CACNA1H: variants seen among roughly 807,000 people sequenced by gnomAD.
CACNA1H encodes the protein calcium voltage-gated channel subunit alpha1 H.
CACNA1H carries 149 observed loss-of-function variants against 192.5 expected under a neutral mutation model. The ratio of observed to expected loss-of-function variants is 0.77; its 90% CI spans 0.68 to 0.89. The LOEUF is 0.89. Ranked by LOEUF, CACNA1H falls within the 40% of genes least tolerant of loss-of-function variation. The probability of loss-of-function intolerance (pLI) is 0.00; values close to 1 mark genes in which losing one functional copy is unlikely to be tolerated. For missense variants in CACNA1H, 4,257 were observed against 3,423.5 expected (o/e 1.24, Z -6.08); for synonymous variants, 2,202 against 1,475.2 (o/e 1.49, Z -11.29).
In CACNA1H at chr16:1,218,600, C is replaced by A; in HGVS notation, c.5836C>A (p.Arg1946Ser). 1 of 1,565,240 alleles carries A rather than the reference C, an allele frequency of 6.4e-7. No homozygotes were observed. The highest frequency in any genetic ancestry group is 2.4e-5 in the East Asian group (1 of 42,326). The change falls in exon 33 of 35, where the codon CGC (arginine) becomes AGC (serine). Residue 1946 changes from arginine to serine, a missense_variant. By Grantham distance (110) the Arg-to-Ser change is moderately radical. Transcript: ENST00000348261. ...PVVPASAPHP[R>S]PLQEVEMETY... ...GGTGCCTGCCTCGGCGCCCCACCCC[C>A]GCCCGCTGCAGGAGGTGGAGATGGA... is the stretch of plus-strand genomic sequence containing the variant.
rs1434513593 is a variant in CACNA1H, at chr16:1,154,049, GC to G, written c.299+15del. The stretch of plus-strand genomic sequence containing the variant: ...TGGTCTGCAACCCATATCCTTCCCG[GC>G]CGGCGGGGGGCGGGGGGCGGGGGGC... On this transcript the variant is annotated intron_variant, in intron 2 of 34. Transcript: ENST00000348261. 9.4e-7 allele frequency: 1 copy of G among 1,058,356 alleles called. No homozygotes were observed. The highest frequency in any genetic ancestry group is 1.2e-6 in the Non-Finnish European group (1 of 841,814). The allele number at this position is 1,058,356 out of a possible 1,614,324, so 65.6% of individuals were successfully genotyped here.
chr16:1,204,604 G>A (rs1369740334), intron 10 of CACNA1H, 146 bp downstream of exon 10: 4 of 645,476 alleles, frequency 6.2e-6, no homozygotes, highest in Non-Finnish European at 1.0e-5. Flanking sequence ...GGTGAGGATA[G>A]GAGACCAGGT....
At chr16:1,154,957 G>T (rs1397306009) in intron 2 of CACNA1H, among the ~76,000 whole-genome samples, 1 of 152,180 alleles carries the variant, frequency 6.6e-6, no homozygotes, top group African/African-American at 2.4e-5. Flanking sequence ...GGCAGCTGGG[G>T]TGGCCAGGCC....
At chr16:1,168,910 G>A (rs1041374025) in intron 2 of CACNA1H, among the ~76,000 whole-genome samples, 1 of 152,100 alleles carries the variant, frequency 6.6e-6, no homozygotes, top group Admixed American at 6.5e-5. Context: ...GAAGTACCCT[G>A]GCCTGTGAGC....
intron 1 of CACNA1H, 81 bp from the exon 2 acceptor site, chr16:1,153,639 G>A: frequency 1.1e-6 from 1 of 909,896 alleles, no homozygotes; most frequent in Non-Finnish European, 1.4e-6. Context: ...CGGCGGCCGC[G>A]GCTGTTCCCG....
At position 1,204,303 on chromosome 16, in the gene CACNA1H, A is replaced by T. The variant is rs573493037; in HGVS notation, c.2296A>T (p.Arg766Trp). The T allele has an allele frequency of 3.1e-5, 50 of 1,602,050 alleles. No homozygotes were observed. In the East Asian group the frequency reaches 8.1e-4, roughly 26 times the overall value. ...PGSPQRRAQQ[R>W]AAPGEPGWMG... ...CAGCCCCCAGCGGCGGGCACAGCAG[A>T]GGGCAGCCCCGGGCGAGCCAGGCTG... is the stretch of plus-strand genomic sequence containing the variant. The change falls in exon 10 of 35, where the codon AGG becomes TGG. Residue 766 changes from arginine (R) to tryptophan (W), a missense_variant. Coordinates refer to ENST00000348261, the MANE Select transcript of CACNA1H (RefSeq NM_021098.3).
chr16:1,183,786 C>T (rs1236546312), intron 2 of CACNA1H, among the ~76,000 whole-genome samples: 1 of 152,268 alleles, frequency 6.6e-6, no homozygotes, highest in Non-Finnish European at 1.5e-5. Flanking sequence ...GAGCACGTGA[C>T]CTGGCGTGTT....
intron 2 of CACNA1H, among the ~76,000 whole-genome samples, chr16:1,171,303 G>A (rs896872562): frequency 6.6e-6 from 1 of 152,148 alleles, no homozygotes; most frequent in South Asian, 2.1e-4. Flanking sequence ...GGGGATCGTG[G>A]GGCTTTGGGG....
intron 18 of CACNA1H, 86 bp from the exon 19 acceptor site, chr16:1,210,284 G>T (rs1429374674): frequency 2.3e-6 from 3 of 1,293,250 alleles, no homozygotes; most frequent in Admixed American, 2.0e-5. Flanking sequence ...TGAAGTGGAG[G>T]CGTGGCCAGG....
At chr16:1,165,169 A>C (rs1403446751) in intron 2 of CACNA1H, among the ~76,000 whole-genome samples, 2 of 152,038 alleles carry the variant, frequency 1.3e-5, no homozygotes, top group Non-Finnish European at 2.9e-5. Flanking sequence ...CCAGCTGACC[A>C]CCGTGGCGCG....
rs776172409 is a variant in CACNA1H, at chr16:1,218,031, G to T, written c.5436G>T (p.Gly1812=). 12 of 1,598,524 alleles carry T rather than the reference G, an allele frequency of 7.5e-6. No individual in the cohort carries two copies. Among genetic ancestry groups the T allele is most frequent in the Middle Eastern group, 1.7e-4 (1 of 6,058 alleles). The change falls in exon 32 of 35, where the codon GGG becomes GGT. Residue 1812 remains glycine, a synonymous_variant. Coordinates refer to ENST00000348261, the MANE Select transcript of CACNA1H (RefSeq NM_021098.3). ...TGTCCACGGGGGACAACTGGAACGGGATCATGAAGGTACCCGCCGCGGCCA... is the reference window on the plus strand; with the variant it reads ...TGTCCACGGGGGACAACTGGAACGGTATCATGAAGGTACCCGCCGCGGCCA... The part of the protein sequence containing the change: ...FRVSTGDNWN[G]IMKDTLRECS...
In CACNA1H at chr16:1,210,389, A is replaced by G. The variant is rs752417842; in HGVS notation, c.3865A>G (p.Lys1289Glu). ...ACCCAGGTTCCGCGTCTCCTGCCAG[A>G]AGGTCATCACACACAAGATGTTTGA... is the stretch of plus-strand genomic sequence containing the variant. Reference protein sequence around the residue: ...PQNRFRVSCQKVITHKMFDHV... With the variant: ...PQNRFRVSCQEVITHKMFDHV... The change falls in exon 19 of 35, where the codon AAG (lysine) becomes GAG (glutamate). Residue 1289 changes from lysine to glutamate, a missense_variant. Physicochemically the swap from Lys to Glu is moderately conservative, Grantham distance 56. Coordinates refer to ENST00000348261, the MANE Select transcript of CACNA1H (RefSeq NM_021098.3). 2 of 1,335,248 alleles carry G rather than the reference A, an allele frequency of 1.5e-6. No homozygotes were observed. The highest frequency in any genetic ancestry group is 2.0e-6 in the Non-Finnish European group (2 of 1,007,236). The allele number at this position is 1,335,248 out of a possible 1,614,324, so 82.7% of individuals were successfully genotyped here. A position where few individuals can be genotyped will look rare whatever the true frequency, so the allele number is the denominator to read the frequency against.
Position 1,221,630 on chromosome 16 carries a change from C to T in CACNA1H, c.*636C>T, listed in dbSNP as rs899560810. ...CTCCCCTACATCTGGGGGCGTTGGC[C>T]GCGAGATTCCCATTGACACCTTTGT... On this transcript the variant is annotated 3_prime_UTR_variant, in exon 35 of 35. Coordinates refer to ENST00000348261, the MANE Select transcript of CACNA1H (RefSeq NM_021098.3). 8 of 826,154 alleles carry T rather than the reference C, an allele frequency of 9.7e-6. No individual in the cohort carries two copies. Among genetic ancestry groups the T allele is most frequent in the African/African-American group, 5.2e-5 (3 of 57,894 alleles). The allele number at this position is 826,154 out of a possible 1,614,324, so 51.2% of individuals were successfully genotyped here.
chr16:1,184,675 C>G (rs916328048), intron 2 of CACNA1H, among the ~76,000 whole-genome samples: 11 of 152,348 alleles, frequency 7.2e-5, no homozygotes, highest in Non-Finnish European at 1.0e-4. Flanking sequence ...GGGCCTTCTG[C>G]TCAGCGAGAG....
At chr16:1,181,692 C>A (rs1043120120) in intron 2 of CACNA1H, among the ~76,000 whole-genome samples, 1 of 152,202 alleles carries the variant, frequency 6.6e-6, no homozygotes, top group Non-Finnish European at 1.5e-5. Flanking sequence ...AGGGAGCTGT[C>A]CGCGTGTGCT....
intron 2 of CACNA1H, among the ~76,000 whole-genome samples, chr16:1,189,096 T>C (rs1437152781): frequency 3.3e-5 from 5 of 152,120 alleles, no homozygotes; most frequent in East Asian, 1.9e-4. Flanking sequence ...GAAAGGAGGC[T>C]GGGGGGCTGC....
At chr16:1,195,395 G>A (rs1330144116) in intron 3 of CACNA1H, 37 bp from the exon 4 acceptor site, 11 of 1,549,808 alleles carry the variant, frequency 7.1e-6, no homozygotes, top group Middle Eastern at 2.0e-4. Flanking sequence ...GCTGAGCTGA[G>A]CTGTTCCACG....
chr16:1,159,274 G>T (rs535636553), intron 2 of CACNA1H, among the ~76,000 whole-genome samples: 42 of 152,328 alleles, frequency 2.8e-4, no homozygotes, highest in African/African-American at 9.9e-4. Context: ...GGGTGGGCCC[G>T]ACAGGGGCAG....
At chr16:1,175,166 C>T (rs1025293988) in intron 2 of CACNA1H, among the ~76,000 whole-genome samples, 1 of 152,132 alleles carries the variant, frequency 6.6e-6, no homozygotes, top group Admixed American at 6.5e-5. Context: ...GCGCGCGGGC[C>T]AACGCCCACT....
Sources: allele counts gnomAD v4.1 joint callset (sites outside exome capture counted in the v4.1 genomes callset), GRCh38; gene constraint gnomAD v4.1.1; transcripts MANE v1.5; gene names NCBI Gene and HGNC (gene_info 2026-07-23, HGNC 2026-07-21).